CDH4: variants seen among roughly 807,000 people sequenced by gnomAD.
CDH4 encodes the protein cadherin 4, also known as cadherin-4.
CDH4 carries 33 observed loss-of-function variants against 86.0 expected under a neutral mutation model. The observed-to-expected ratio is 0.38, with a 90% confidence interval of 0.29 to 0.51. The LOEUF is 0.51. CDH4 is among the 20% of genes least tolerant of loss of function. The pLI is 0.86. For missense variants in CDH4, 1,114 were observed against 1,307.4 expected, an observed-to-expected ratio of 0.85 and a Z score of 2.28; for synonymous variants, 555 against 549.4, an observed-to-expected ratio of 1.01 and a Z score of -0.14.
chr20:61,589,823 A>G (rs1475312391), intron 2 of CDH4, among the ~76,000 whole-genome samples: 1 of 150,674 alleles, frequency 6.6e-6, no homozygotes, highest in Admixed American at 6.6e-5. Flanking sequence ...TATAATAATA[A>G]TTAAAAAAAA....
chr20:61,491,289 G>A (rs1450113119), intron 2 of CDH4, among the ~76,000 whole-genome samples: 3 of 152,232 alleles, frequency 2.0e-5, no homozygotes, highest in Non-Finnish European at 4.4e-5. Context: ...GTTCCACACA[G>A]GTTACTTGGT....
Position 61,807,005 on chromosome 20 carries a change from T to A in CDH4, c.576+33823T>A, listed in dbSNP as rs923265269. Among the ~76,000 whole-genome samples the A allele has an allele frequency of 6.6e-6, 1 of 152,214 alleles. No individual in the cohort carries two copies. Among genetic ancestry groups the A allele is most frequent in the Non-Finnish European group, 1.5e-5 (1 of 68,044 alleles). On this transcript the variant is annotated intron_variant, in intron 4 of 15. Coordinates refer to ENST00000614565, the MANE Select transcript of CDH4 (RefSeq NM_001794.5). This position sits in a 1 kb window ranked among gnomAD's most constrained non-coding sequence, Gnocchi z 4.5. ...GCTACACTTTGACAGGGGATCTTTT[T>A]TTAACTACTACAAAGCCCTCTAATA...
intron 9 of CDH4, among the ~76,000 whole-genome samples, chr20:61,922,231 A>G (rs974136458): frequency 6.6e-6 from 1 of 152,236 alleles, no homozygotes; most frequent in Non-Finnish European, 1.5e-5. Flanking sequence ...TTGAGACACA[A>G]TGTGTTGTGT....
intron 2 of CDH4, among the ~76,000 whole-genome samples, chr20:61,530,605 G>A (rs2085944580): frequency 6.6e-6 from 1 of 152,178 alleles, no homozygotes; most frequent in African/African-American, 2.4e-5. Context: ...GGCAGTCGAA[G>A]GAGAGTCGCA....
rs2085701906 is a variant in CDH4 at position 61,501,639 on chromosome 20, A to G, written c.170-241924A>G. Among the ~76,000 whole-genome samples the G allele has an allele frequency of 6.6e-6, 1 of 152,138 alleles. No homozygotes were observed. Among genetic ancestry groups the G allele is most frequent in the Non-Finnish European group, 1.5e-5 (1 of 68,028 alleles). On this transcript the variant is annotated intron_variant, in intron 2 of 15. Transcript: ENST00000614565. The surrounding 1 kb of genome is among the most constrained non-coding windows in gnomAD (Gnocchi z 4.2). ...AGAGCTGTGGTGAGACTCAAAGGCC[A>G]CACAGAAGCAGCGTGTTCCGGAAAG...
chr20:61,288,790 G>A (rs377521915), intron 2 of CDH4, among the ~76,000 whole-genome samples: 106 of 152,280 alleles, frequency 7.0e-4, no homozygotes, highest in African/African-American at 2.3e-3. Context: ...AAAGCAGGGC[G>A]GCCAAACAAT....
Position 61,734,792 on chromosome 20 carries a change from C to T in CDH4, c.170-8771C>T, listed in dbSNP as rs549665544. Among the ~76,000 whole-genome samples, 5 of 152,268 alleles carry T rather than the reference C, an allele frequency of 3.3e-5. No individual in the cohort carries two copies. In the East Asian group the frequency reaches 5.8e-4, roughly 18 times the overall value. On this transcript the variant is annotated intron_variant, in intron 2 of 15. Transcript: ENST00000614565. Reference sequence around the variant, plus strand: ...TTCTCCCTGTACCGCCAGTTTTCTCCGTCCCCACCCAGCACGTGGACACAG... The same window carrying T: ...TTCTCCCTGTACCGCCAGTTTTCTCTGTCCCCACCCAGCACGTGGACACAG...
At position 61,773,023 on chromosome 20, in the gene CDH4, C is replaced by T. The variant is rs1245672860; in HGVS notation, c.417C>T (p.Val139=). 2 of 1,611,526 alleles carry T rather than the reference C, an allele frequency of 1.2e-6. No homozygotes were observed. Among genetic ancestry groups the T allele is most frequent in the East Asian group, 2.2e-5 (1 of 44,804 alleles). Residue 139 remains valine (V), a synonymous_variant, in exon 4 of 16, where the codon GTC becomes GTT. Coordinates refer to ENST00000614565, the MANE Select transcript of CDH4 (RefSeq NM_001794.5). ...SGHKPQKGKK[V]VALDPSPPPK... Reference sequence around the variant, plus strand: ...TAAAGCCGCAGAAAGGAAAGAAGGTCGTGGCTCTGGACCCCTCTCCGCCTC... The same window carrying T: ...TAAAGCCGCAGAAAGGAAAGAAGGTTGTGGCTCTGGACCCCTCTCCGCCTC...
intron 6 of CDH4, among the ~76,000 whole-genome samples, chr20:61,854,798 C>T (rs77172859): frequency 1.4e-5 from 2 of 146,422 alleles, no homozygotes; most frequent in East Asian, 2.1e-4. Context: ...CCCAGGGCTG[C>T]AGTGTGAACA....
rs529872347 is a variant in CDH4, at chr20:61,706,860, C to G, written c.170-36703C>G. Reference sequence around the variant, plus strand: ...CGACCTCCACATTAGCCGCATGACCCTCTGTGATGCCCAGACCAGCTGAGA... The same window carrying G: ...CGACCTCCACATTAGCCGCATGACCGTCTGTGATGCCCAGACCAGCTGAGA... On this transcript the variant is annotated intron_variant, in intron 2 of 15. Transcript: ENST00000614565. Among the ~76,000 whole-genome samples, 3 of 152,330 alleles carry G rather than the reference C, an allele frequency of 2.0e-5. No homozygotes were observed. In the East Asian group the frequency reaches 5.8e-4, roughly 29 times the overall value.
Position 61,501,945 on chromosome 20 carries a change from A to G in CDH4, c.170-241618A>G, listed in dbSNP as rs1568867385. 6.6e-6 allele frequency among the ~76,000 whole-genome samples: 1 copy of G among 152,164 alleles called. No homozygotes were observed. The highest frequency in any genetic ancestry group is 1.5e-5 in the Non-Finnish European group (1 of 68,030). Reference sequence around the variant, plus strand: ...ATGCCTGAGTGAGGACCCCGTGTAAAGTAAGATGAACCGAGTGGGCACGTT... The same window carrying G: ...ATGCCTGAGTGAGGACCCCGTGTAAGGTAAGATGAACCGAGTGGGCACGTT... On this transcript the variant is annotated intron_variant, in intron 2 of 15. Coordinates refer to ENST00000614565, the MANE Select transcript of CDH4 (RefSeq NM_001794.5). The surrounding 1 kb of genome is among the most constrained non-coding windows in gnomAD (Gnocchi z 4.2).
rs76030974 is a variant in CDH4 at position 61,630,706 on chromosome 20, A to G, written c.170-112857A>G. Among the ~76,000 whole-genome samples the G allele has an allele frequency of 4.0e-3, 603 of 152,350 alleles. 5 individuals are homozygous for G. Among genetic ancestry groups the G allele is most frequent in the Middle Eastern group, 0.017 (5 of 294 alleles). On this transcript the variant is annotated intron_variant, in intron 2 of 15. Coordinates refer to ENST00000614565, the MANE Select transcript of CDH4 (RefSeq NM_001794.5). ...GATCCCAAAGTTAGTGTTGGCAAGA[A>G]CCAACTTATGGATTATAATTCTTGG...
intron 2 of CDH4, among the ~76,000 whole-genome samples, chr20:61,320,217 C>T (rs1039427641): frequency 2.0e-5 from 3 of 152,136 alleles, no homozygotes; most frequent in African/African-American, 4.8e-5. Flanking sequence ...CTTCCCAAGG[C>T]GTCTTATGCA....
chr20:61,269,567 G>A lies in CDH4; in HGVS notation c.169+14630G>A, dbSNP rs903577678. 2.6e-5 allele frequency among the ~76,000 whole-genome samples: 4 copies of A among 152,086 alleles called. No individual in the cohort carries two copies. The highest frequency in any genetic ancestry group is 5.9e-5 in the Non-Finnish European group (4 of 68,030). On this transcript the variant is annotated intron_variant, in intron 2 of 15. Coordinates refer to ENST00000614565, the MANE Select transcript of CDH4 (RefSeq NM_001794.5). The surrounding 1 kb of genome is among the most constrained non-coding windows in gnomAD (Gnocchi z 5.3). Reference sequence around the variant, plus strand: ...CCAGGCTCTGGAAACACCAAGGCTTGCTGGCTTGCTCTTATTTATTAATTA... The same window carrying A: ...CCAGGCTCTGGAAACACCAAGGCTTACTGGCTTGCTCTTATTTATTAATTA...
At chr20:61,451,860 G>A (rs952121982) in intron 2 of CDH4, among the ~76,000 whole-genome samples, 3 of 152,184 alleles carry the variant, frequency 2.0e-5, no homozygotes, top group Non-Finnish European at 2.9e-5. Context: ...GAGGAGGGAT[G>A]TAGAGACTTC....
intron 9 of CDH4, among the ~76,000 whole-genome samples, chr20:61,920,972 T>A (rs1242842697): frequency 6.8e-6 from 1 of 147,678 alleles, no homozygotes; most frequent in African/African-American, 2.6e-5. Context: ...CATGTCATGG[T>A]GATTGCGTGG....
intron 2 of CDH4, among the ~76,000 whole-genome samples, chr20:61,547,006 C>T (rs1055024033): frequency 6.6e-6 from 1 of 151,998 alleles, no homozygotes; most frequent in African/African-American, 2.4e-5. Flanking sequence ...TAGGATGCTG[C>T]TGGGTAAAGG....
chr20:61,546,860 C>T (rs753431957), intron 2 of CDH4, among the ~76,000 whole-genome samples: 1 of 152,140 alleles, frequency 6.6e-6, no homozygotes, highest in Non-Finnish European at 1.5e-5. Flanking sequence ...TTTAGTGAGC[C>T]ACTGATTGGC....
At chr20:61,749,264 A>C (rs1332050841) in intron 3 of CDH4, among the ~76,000 whole-genome samples, 2 of 152,232 alleles carry the variant, frequency 1.3e-5, no homozygotes, top group Non-Finnish European at 2.9e-5. Context: ...TAACTATGCA[A>C]TCAGTGGTCA....
Sources: allele counts gnomAD v4.1 joint callset (sites outside exome capture counted in the v4.1 genomes callset), GRCh38; gene constraint gnomAD v4.1.1; non-coding constraint Gnocchi (gnomAD v3.1); transcripts MANE v1.5; gene names NCBI Gene and HGNC (gene_info 2026-07-23, HGNC 2026-07-21).